The following DDAH1 variants were observed in gnomAD, a reference collection of about 807,000 sequenced individuals.
The protein encoded by DDAH1 is dimethylarginine dimethylaminohydrolase 1, also known as N(G),N(G)-dimethylarginine dimethylaminohydrolase 1.
Under a neutral mutation model 28.8 loss-of-function variants are expected in DDAH1, and 19 were observed. That is an observed-to-expected ratio of 0.66 (90% CI 0.46 to 0.97). DDAH1 has a LOEUF of 0.97. DDAH1 is among the 50% of genes least tolerant of loss of function. DDAH1 has a pLI of 0.00. For synonymous variants in DDAH1, 153 were observed against 154.4 expected (o/e 0.99, Z 0.07); for missense variants, 326 against 375.9 (o/e 0.87, Z 1.10).
At chr1:85,491,390 G>T (rs1209466277) in intron 2 of DDAH1, among the ~76,000 whole-genome samples, 1 of 152,174 alleles carries the variant, frequency 6.6e-6, no homozygotes, top group Non-Finnish European at 1.5e-5. Context: ...TGATTGTTAG[G>T]ATTGTTTTCA....
chr1:85,455,226 A>G (rs1391485084), intron 1 of DDAH1, among the ~76,000 whole-genome samples: 1 of 152,202 alleles, frequency 6.6e-6, no homozygotes, highest in African/African-American at 2.4e-5. Context: ...TTTCTTCCTG[A>G]AATGATGGTT....
chr1:85,395,781 T>G (rs1651784269), intron 1 of DDAH1, among the ~76,000 whole-genome samples: 2 of 152,182 alleles, frequency 1.3e-5, no homozygotes, highest in Admixed American at 1.3e-4. Context: ...AAAGGAATTT[T>G]GAGTGTGATC....
At chr1:85,352,124 G>T (rs975319039) in intron 2 of DDAH1, among the ~76,000 whole-genome samples, 3 of 152,094 alleles carry the variant, frequency 2.0e-5, no homozygotes, top group Non-Finnish European at 2.9e-5. Context: ...TGAGGAAAAA[G>T]AAAAAATTGA....
chr1:85,524,597 A>G (rs1445162869), intron 1 of DDAH1, among the ~76,000 whole-genome samples: 2 of 152,088 alleles, frequency 1.3e-5, no homozygotes, highest in African/African-American at 2.4e-5. Context: ...ACAACTTCCC[A>G]TTACATCATC....
chr1:85,452,796 C>A (rs896953311), intron 1 of DDAH1, among the ~76,000 whole-genome samples: 1 of 152,158 alleles, frequency 6.6e-6, no homozygotes, highest in Admixed American at 6.5e-5. Flanking sequence ...TGATCACAGG[C>A]TGAAAGAGCC....
intron 1 of DDAH1, among the ~76,000 whole-genome samples, chr1:85,542,672 T>A (rs1309362944): frequency 6.6e-6 from 1 of 152,192 alleles, no homozygotes; most frequent in African/African-American, 2.4e-5. Flanking sequence ...AGGGAGAAAG[T>A]GATGGCACCA....
At chr1:85,465,476 GC>G (rs1301512814), upstream of DDAH1, among the ~76,000 whole-genome samples, 1 of 152,232 alleles carries the variant, frequency 6.6e-6, no homozygotes, top group Admixed American at 6.5e-5. Context: ...GACTTGGAGA[GC>G]CGGCCTCGGT....
At chr1:85,519,222 T>G (rs1485504393) in intron 1 of DDAH1, among the ~76,000 whole-genome samples, 1 of 149,896 alleles carries the variant, frequency 6.7e-6, no homozygotes, top group Non-Finnish European at 1.5e-5. Context: ...GCCTCCCCAG[T>G]AGCTGCGACT....
At chr1:85,459,885 T>C (rs1343629487) in intron 1 of DDAH1, among the ~76,000 whole-genome samples, 2 of 152,214 alleles carry the variant, frequency 1.3e-5, no homozygotes, top group Non-Finnish European at 2.9e-5. Context: ...TCGAGTTAGA[T>C]TGCATATCAC....
chr1:85,481,091 G>GTTTTTTTT (rs779581650), intron 2 of DDAH1, among the ~76,000 whole-genome samples: 3 of 92,020 alleles, frequency 3.3e-5, no homozygotes, highest in African/African-American at 4.6e-5. Flanking sequence ...ATTTCTTTGG[G>GTTTTTTTT]TTTTTTGTTT....
chr1:85,471,886 C>T (rs1655631692), intron 2 of DDAH1, among the ~76,000 whole-genome samples: 2 of 152,152 alleles, frequency 1.3e-5, no homozygotes, highest in African/African-American at 4.8e-5. Flanking sequence ...TTCTGTGTTC[C>T]TCTGTTGGGG....
intron 1 of DDAH1, among the ~76,000 whole-genome samples, chr1:85,515,147 T>TG (rs1249652258): frequency 1.3e-5 from 2 of 149,922 alleles, no homozygotes; most frequent in Non-Finnish European, 1.5e-5. Context: ...CCCAGCACTT[T>TG]GGGGGGCCAA....
Position 85,429,071 on chromosome 1 carries a change from T to C in DDAH1, c.303+35672A>G, listed in dbSNP as rs377576444. On this transcript the variant is annotated intron_variant, in intron 1 of 5. Transcript: ENST00000284031. ...GGGATACATGTATAGTATGTGCAGGTTTGTTACATAGGTATACACATGCCA... is the reference window on the plus strand; with the variant it reads ...GGGATACATGTATAGTATGTGCAGGCTTGTTACATAGGTATACACATGCCA... Among the ~76,000 whole-genome samples the C allele has an allele frequency of 1.4e-4, 22 of 152,088 alleles. 1 individual carries two copies. Among genetic ancestry groups the C allele is most frequent in the East Asian group, 7.7e-4 (4 of 5,178 alleles).
At chr1:85,508,247 T>A (rs1657094224) in intron 1 of DDAH1, among the ~76,000 whole-genome samples, 1 of 152,226 alleles carries the variant, frequency 6.6e-6, no homozygotes, top group East Asian at 1.9e-4. Context: ...AATTAGTAAA[T>A]TTCAAATATT....
intron 1 of DDAH1, among the ~76,000 whole-genome samples, chr1:85,406,773 T>C (rs1017991640): frequency 6.6e-5 from 10 of 152,132 alleles, no homozygotes; most frequent in Non-Finnish European, 1.5e-4. Flanking sequence ...GAACAGAATA[T>C]ACTATAAACA....
intron 1 of DDAH1, among the ~76,000 whole-genome samples, chr1:85,540,240 G>A (rs948919799): frequency 6.6e-6 from 1 of 151,912 alleles, no homozygotes; most frequent in Non-Finnish European, 1.5e-5. Context: ...CTTTGACCTG[G>A]GGTTACACCT....
intron 1 of DDAH1, among the ~76,000 whole-genome samples, chr1:85,410,248 T>C (rs1173888531): frequency 6.6e-6 from 1 of 151,830 alleles, no homozygotes; most frequent in African/African-American, 2.4e-5. Context: ...GCCCCTATAC[T>C]CCAGCCTCAG....
intron 1 of DDAH1, among the ~76,000 whole-genome samples, chr1:85,450,565 T>C (rs1393459084): frequency 2.0e-5 from 3 of 152,232 alleles, no homozygotes; most frequent in East Asian, 1.9e-4. Context: ...ACTATTACCA[T>C]ACGTACAATC....
intron 1 of DDAH1, among the ~76,000 whole-genome samples, chr1:85,534,965 A>G (rs1444141887): frequency 2.0e-5 from 3 of 152,212 alleles, no homozygotes; most frequent in African/African-American, 7.2e-5. Flanking sequence ...ACAGTGTACC[A>G]AAGAAAAAGA....
Sources: allele counts gnomAD v4.1 joint callset (sites outside exome capture counted in the v4.1 genomes callset), GRCh38; gene constraint gnomAD v4.1.1; transcripts MANE v1.5; gene names NCBI Gene and HGNC (gene_info 2026-07-23, HGNC 2026-07-21).